The following EYS variants were observed in gnomAD, a reference collection of about 807,000 sequenced individuals.
The protein encoded by EYS is EGF-like photoreceptor maintenance factor.
Under a neutral mutation model 282.1 loss-of-function variants are expected in EYS, and 250 were observed. That is an observed-to-expected ratio of 0.89 (90% CI 0.80 to 0.98). The LOEUF (loss-of-function observed/expected upper bound fraction) is 0.98. EYS is among the 50% of genes least tolerant of loss of function. The pLI is 0.00. For missense variants in EYS, 4,016 were observed against 3,709.0 expected (o/e 1.08, Z -2.15); for synonymous variants, 1,355 against 1,282.9 (o/e 1.06, Z -1.20).
chr6:64,240,389 G>A (rs1766781120), intron 30 of EYS, among the ~76,000 whole-genome samples: 1 of 152,182 alleles, frequency 6.6e-6, no homozygotes, highest in Admixed American at 6.5e-5. Context: ...CCATGAACAT[G>A]GAATGTTTTT....
At chr6:65,193,673 C>G (rs988897697) in intron 12 of EYS, among the ~76,000 whole-genome samples, 1 of 150,658 alleles carries the variant, frequency 6.6e-6, no homozygotes, top group Non-Finnish European at 1.5e-5. Flanking sequence ...TTTAGAGCTT[C>G]GTAAGGAACA....
chr6:65,464,412 G>T (rs923994989), intron 5 of EYS, among the ~76,000 whole-genome samples: 13 of 152,126 alleles, frequency 8.5e-5, no homozygotes, highest in Non-Finnish European at 1.9e-4. Flanking sequence ...TGTAGTGCAT[G>T]ATAAGATATC....
intron 2 of EYS, among the ~76,000 whole-genome samples, chr6:65,638,199 G>A (rs1582550589): frequency 6.6e-6 from 1 of 152,164 alleles, no homozygotes; most frequent in East Asian, 1.9e-4. Context: ...AGGTCTCCTG[G>A]AGTGATAAGG....
At chr6:63,968,047 C>G (rs972276778) in intron 35 of EYS, among the ~76,000 whole-genome samples, 3 of 152,184 alleles carry the variant, frequency 2.0e-5, no homozygotes, top group African/African-American at 7.2e-5. Context: ...TGTACTGTCA[C>G]AAGTACCACT....
chr6:64,876,854 T>C (rs1766765490), intron 19 of EYS, among the ~76,000 whole-genome samples: 1 of 152,106 alleles, frequency 6.6e-6, no homozygotes, highest in African/African-American at 2.4e-5. Flanking sequence ...AGGGGCCATA[T>C]TATACAGGAT....
intron 26 of EYS, among the ~76,000 whole-genome samples, chr6:64,585,980 T>A: frequency 6.6e-6 from 1 of 152,134 alleles, no homozygotes; most frequent in East Asian, 1.9e-4. Flanking sequence ...ACCTTTTAAA[T>A]TGTTCTGTAT....
intron 5 of EYS, among the ~76,000 whole-genome samples, chr6:65,447,459 T>C (rs1348824313): frequency 6.6e-6 from 1 of 150,680 alleles, no homozygotes; most frequent in Non-Finnish European, 1.5e-5. Context: ...TTAGTGTATA[T>C]GTGTGATATT....
chr6:64,081,713 A>G, intron 32 of EYS, 143 bp downstream of exon 32: 1 of 603,478 alleles, frequency 1.7e-6, no homozygotes, highest in Non-Finnish European at 2.7e-6. Flanking sequence ...ACTACAAAGA[A>G]CTAAAATTTC....
chr6:65,616,113 A>G (rs1166988706), intron 2 of EYS, among the ~76,000 whole-genome samples: 1 of 152,068 alleles, frequency 6.6e-6, no homozygotes, highest in Non-Finnish European at 1.5e-5. Context: ...TAATTTTATT[A>G]AATTATATAT....
At chr6:65,475,658 C>A (rs1195117980) in intron 5 of EYS, among the ~76,000 whole-genome samples, 1 of 151,756 alleles carries the variant, frequency 6.6e-6, no homozygotes, top group African/African-American at 2.4e-5. Context: ...TTTAAAATAA[C>A]TGAAATAAAA....
chr6:64,462,702 A>C (rs773434695), intron 26 of EYS, among the ~76,000 whole-genome samples: 1 of 151,652 alleles, frequency 6.6e-6, no homozygotes, highest in Non-Finnish European at 1.5e-5. Context: ...TTTAGCTTCC[A>C]AGATTTTGTC....
At chr6:63,777,368 A>C (rs904404379) in intron 40 of EYS, among the ~76,000 whole-genome samples, 1 of 152,172 alleles carries the variant, frequency 6.6e-6, no homozygotes, top group African/African-American at 2.4e-5. Flanking sequence ...GCATTTTGAC[A>C]AATCTCTCTT....
chr6:64,844,269 CTTT>C (rs1161862566), intron 19 of EYS, among the ~76,000 whole-genome samples: 1 of 150,828 alleles, frequency 6.6e-6, no homozygotes, highest in Admixed American at 6.6e-5. Flanking sequence ...TCTTAAATTT[CTTT>C]TTTTCTCAAA....
chr6:65,136,946 T>A (rs1049122286), intron 12 of EYS, among the ~76,000 whole-genome samples: 15 of 152,144 alleles, frequency 9.9e-5, no homozygotes, highest in Non-Finnish European at 5.9e-5. Flanking sequence ...CCTTCCAAAG[T>A]GCTGGGATTA....
At chr6:65,037,952 T>A (rs1772819813) in intron 13 of EYS, among the ~76,000 whole-genome samples, 3 of 151,696 alleles carry the variant, frequency 2.0e-5, no homozygotes, top group Admixed American at 1.3e-4. Flanking sequence ...TTACTTCTCC[T>A]TTCCGTATTA....
chr6:65,126,527 C>A (rs1357147202), intron 12 of EYS, among the ~76,000 whole-genome samples: 3 of 152,110 alleles, frequency 2.0e-5, no homozygotes, highest in Admixed American at 2.0e-4. Context: ...CAAGCACCTG[C>A]CTGACCACAT....
At chr6:63,889,308 C>G (rs758618113) in intron 35 of EYS, among the ~76,000 whole-genome samples, 2 of 151,622 alleles carry the variant, frequency 1.3e-5, no homozygotes, top group Non-Finnish European at 3.0e-5. Flanking sequence ...AGAGCAACCC[C>G]AAGACACATA....
intron 13 of EYS, among the ~76,000 whole-genome samples, chr6:65,038,676 G>T (rs1382458801): frequency 1.3e-5 from 2 of 151,208 alleles, no homozygotes; most frequent in Admixed American, 6.6e-5. Context: ...ACTTTCATTT[G>T]ATTCCCTATC....
chr6:64,135,268 A>T (rs1455977835), intron 31 of EYS, among the ~76,000 whole-genome samples: 1 of 152,068 alleles, frequency 6.6e-6, no homozygotes, highest in Non-Finnish European at 1.5e-5. Flanking sequence ...GTTTCTCAGT[A>T]TGGGAGATCC....
Sources: gnomAD v4.1 joint callset for allele counts (sites outside exome capture counted in the v4.1 genomes callset) on GRCh38, gnomAD v4.1.1 for gene constraint, MANE v1.5 for transcripts, NCBI Gene and HGNC (gene_info 2026-07-23, HGNC 2026-07-21) for gene names.